The following AGBL1 variants were observed in gnomAD, a reference collection of about 807,000 sequenced individuals.
The protein encoded by AGBL1 is cytosolic carboxypeptidase 4.
In AGBL1, 130 loss-of-function variants were observed where a neutral mutation model predicts 118.9. The observed-to-expected ratio is 1.09, with a 90% CI of 0.95 to 1.26. The LOEUF is 1.26. Among genes scored for constraint, AGBL1 ranks in the 50% most tolerant of loss-of-function variants. AGBL1 has a pLI of 0.00. For synonymous variants in AGBL1, 555 were observed against 478.9 expected, an observed-to-expected ratio of 1.16 and a Z score of -2.08; for missense variants, 1,584 against 1,298.1, an observed-to-expected ratio of 1.22 and a Z score of -3.38.
intron 19 of AGBL1, among the ~76,000 whole-genome samples, chr15:86,523,673 G>A (rs148053491): frequency 7.5e-4 from 110 of 147,614 alleles, no homozygotes; most frequent in African/African-American, 2.6e-3. Flanking sequence ...TGTTTGGAAC[G>A]AAATCCTCTA....
At chr15:86,661,801 T>C (rs561791668) in intron 21 of AGBL1, among the ~76,000 whole-genome samples, 9 of 152,252 alleles carry the variant, frequency 5.9e-5, no homozygotes, top group African/African-American at 1.9e-4. Context: ...CCATACCAAG[T>C]CACTCTCGTC....
intron 18 of AGBL1, among the ~76,000 whole-genome samples, chr15:86,477,530 A>G (rs1478107392): frequency 1.4e-4 from 21 of 152,232 alleles, no homozygotes; most frequent in Admixed American, 1.4e-3. Flanking sequence ...AGACTAAACC[A>G]GGAAGAAGTT....
chr15:86,740,139 A>C (rs920655274), intron 22 of AGBL1, among the ~76,000 whole-genome samples: 1 of 152,216 alleles, frequency 6.6e-6, no homozygotes, highest in African/African-American at 2.4e-5. Flanking sequence ...CAGCAAGTAC[A>C]TTTCATTCAC....
chr15:86,687,976 A>G (rs572336764), intron 22 of AGBL1, among the ~76,000 whole-genome samples: 1 of 152,164 alleles, frequency 6.6e-6, no homozygotes. Context: ...CATCAGCAAC[A>G]CAGAGATTTT....
chr15:86,447,615 C>A (rs995287576), intron 18 of AGBL1, among the ~76,000 whole-genome samples: 1 of 152,138 alleles, frequency 6.6e-6, no homozygotes, highest in Non-Finnish European at 1.5e-5. Context: ...ATACAAATAG[C>A]CACACTGAGG....
At chr15:86,941,147 A>G (rs2080746675) in intron 23 of AGBL1, among the ~76,000 whole-genome samples, 1 of 152,250 alleles carries the variant, frequency 6.6e-6, no homozygotes, top group South Asian at 2.1e-4. Flanking sequence ...TCTACTTGCA[A>G]AGGAGACTGT....
chr15:86,850,758 A>G (rs1019945129), intron 22 of AGBL1, among the ~76,000 whole-genome samples: 1 of 152,234 alleles, frequency 6.6e-6, no homozygotes, highest in Non-Finnish European at 1.5e-5. Context: ...TGAAAAAAAT[A>G]CTTGTCATAT....
chr15:86,844,128 C>A lies in AGBL1; in HGVS notation c.3159-62959C>A, dbSNP rs546218457. Among the ~76,000 whole-genome samples the A allele has an allele frequency of 2.6e-5, 4 of 152,186 alleles. No individual in the cohort carries two copies. In the South Asian group the frequency reaches 8.3e-4, roughly 32 times the overall value. ...GTATACCATATTTTGTTTATCCATG[C>A]ACCAGTTTATACAAATTGGGATTGT... is the stretch of plus-strand genomic sequence containing the variant. On this transcript the variant is annotated intron_variant, in intron 22 of 22. Coordinates refer to ENST00000614907, the MANE Select transcript of AGBL1 (RefSeq NM_001386094.1).
At chr15:86,804,251 T>G (rs1254670637) in intron 22 of AGBL1, among the ~76,000 whole-genome samples, 1 of 152,170 alleles carries the variant, frequency 6.6e-6, no homozygotes, top group African/African-American at 2.4e-5. Flanking sequence ...ATCTGTTAAG[T>G]GCATGTTCTC....
At chr15:87,005,386 T>C (rs2081487590) in intron 24 of AGBL1, among the ~76,000 whole-genome samples, 1 of 152,210 alleles carries the variant, frequency 6.6e-6, no homozygotes, top group Non-Finnish European at 1.5e-5. Flanking sequence ...GCTTTGTTCT[T>C]TTCTTTTTAT....
intron 18 of AGBL1, among the ~76,000 whole-genome samples, chr15:86,483,233 C>T (rs982699097): frequency 2.0e-5 from 3 of 151,912 alleles, no homozygotes; most frequent in African/African-American, 7.3e-5. Flanking sequence ...ACATGAAAAC[C>T]CTCACTGTAC....
intron 24 of AGBL1, among the ~76,000 whole-genome samples, chr15:86,995,517 G>A (rs774224834): frequency 1.3e-5 from 2 of 152,060 alleles, no homozygotes; most frequent in Non-Finnish European, 2.9e-5. Flanking sequence ...CTTCTGGGGC[G>A]AAAGTCTTTT....
At chr15:86,738,168 A>C (rs2077627908) in intron 22 of AGBL1, among the ~76,000 whole-genome samples, 1 of 152,210 alleles carries the variant, frequency 6.6e-6, no homozygotes, top group African/African-American at 2.4e-5. Flanking sequence ...CAGTTTGATA[A>C]AATTCAACAC....
In AGBL1 at chr15:86,723,898, AG is replaced by A. The variant is rs781327173; in HGVS notation, c.3158+49463del. Among the ~76,000 whole-genome samples the A allele has an allele frequency of 3.0e-4, 45 of 152,188 alleles. 1 individual carries two copies. Among genetic ancestry groups the A allele is most frequent in the South Asian group, 1.2e-3 (6 of 4,810 alleles). The stretch of plus-strand genomic sequence containing the variant: ...GGAGTCAAAGTTTGGATACTTGAAA[AG>A]CTTGAAAATGAGATTATGAGGGAGT... On this transcript the variant is annotated intron_variant, in intron 22 of 22. Coordinates refer to ENST00000614907, the MANE Select transcript of AGBL1 (RefSeq NM_001386094.1).
intron 1 of AGBL1, among the ~76,000 whole-genome samples, chr15:86,081,959 A>G (rs1370910195): frequency 1.3e-5 from 2 of 152,198 alleles, no homozygotes; most frequent in African/African-American, 4.8e-5. Flanking sequence ...CAATTATCAA[A>G]GAAAGATTTA....
chr15:86,322,012 T>A (rs186517074), intron 17 of AGBL1, among the ~76,000 whole-genome samples: 3 of 151,936 alleles, frequency 2.0e-5, no homozygotes, highest in Non-Finnish European at 4.4e-5. Flanking sequence ...AAGCAGAGAA[T>A]GTTATCTGCC....
intron 22 of AGBL1, among the ~76,000 whole-genome samples, chr15:86,830,354 T>C (rs1330888670): frequency 6.6e-6 from 1 of 152,142 alleles, no homozygotes; most frequent in Non-Finnish European, 1.5e-5. Context: ...TTGCCTGTTT[T>C]TGAACCTTAT....
At chr15:86,568,459 G>C (rs2083951005) in intron 21 of AGBL1, among the ~76,000 whole-genome samples, 1 of 152,120 alleles carries the variant, frequency 6.6e-6, no homozygotes, top group South Asian at 2.1e-4. Context: ...AGAAGTGCTT[G>C]GCTTGACTTT....
intron 18 of AGBL1, among the ~76,000 whole-genome samples, chr15:86,438,639 A>G (rs1204357761): frequency 6.6e-6 from 1 of 150,668 alleles, no homozygotes; most frequent in Non-Finnish European, 1.5e-5. Context: ...AAATTCGTAT[A>G]TAACTGATAA....
Sources: gnomAD v4.1 joint callset for allele counts (sites outside exome capture counted in the v4.1 genomes callset) on GRCh38, gnomAD v4.1.1 for gene constraint, MANE v1.5 for transcripts, NCBI Gene and HGNC (gene_info 2026-07-23, HGNC 2026-07-21) for gene names.